NTNG1: variants seen among roughly 807,000 people sequenced by gnomAD.
The protein encoded by NTNG1 is netrin-G1.
In NTNG1, 16 loss-of-function variants were observed where a neutral mutation model predicts 54.0. The ratio of observed to expected loss-of-function variants is 0.30; its 90% CI spans 0.20 to 0.45. NTNG1 has a LOEUF of 0.45. NTNG1 is among the 20% of genes least tolerant of loss of function. The probability of loss-of-function intolerance (pLI) is 1.00; values close to 1 mark genes in which losing one functional copy is unlikely to be tolerated. For missense variants in NTNG1, 530 were observed against 678.7 expected (o/e 0.78, Z 2.43); for synonymous variants, 255 against 263.1 (o/e 0.97, Z 0.30).
Position 107,481,853 on chromosome 1 carries a change from C to G in NTNG1, c.*1013C>G, listed in dbSNP as rs1678733688. 6.6e-6 allele frequency: 1 copy of G among 152,508 alleles called. No homozygotes were observed. Among genetic ancestry groups the G allele is most frequent in the African/African-American group, 2.4e-5 (1 of 41,398 alleles). The allele number at this position is 152,508 out of a possible 1,614,324, so 9.4% of individuals were successfully genotyped here. On this transcript the variant is annotated 3_prime_UTR_variant, in exon 8 of 8. Coordinates refer to ENST00000370068, the MANE Select transcript of NTNG1 (RefSeq NM_001113226.3). ...TAAAGAATAAAAACTCCTGCATAAA[C>G]GATTTCAGGAATTTGTATTGCAATT...
intron 2 of NTNG1, among the ~76,000 whole-genome samples, chr1:107,319,916 G>A (rs991356018): frequency 4.0e-5 from 6 of 151,122 alleles, no homozygotes; most frequent in African/African-American, 1.5e-4. Context: ...GATCTTAGGT[G>A]AAAGGATGTT....
At chr1:107,277,370 A>G (rs899823413) in intron 2 of NTNG1, among the ~76,000 whole-genome samples, 2 of 152,188 alleles carry the variant, frequency 1.3e-5, no homozygotes, top group Admixed American at 6.5e-5. Flanking sequence ...CCCTTGAGGC[A>G]GTAGGGAATG....
At chr1:107,324,217 G>A (rs1432989674) in intron 2 of NTNG1, 65 bp from the exon 3 acceptor site, 3 of 1,474,476 alleles carry the variant, frequency 2.0e-6, no homozygotes, top group Non-Finnish European at 2.8e-6. Context: ...CTGAGCAACA[G>A]CAATATGGCA....
intron 2 of NTNG1, among the ~76,000 whole-genome samples, chr1:107,307,357 G>A (rs1666753502): frequency 6.6e-6 from 1 of 152,152 alleles, no homozygotes; most frequent in African/African-American, 2.4e-5. Flanking sequence ...AAGCTGGGAA[G>A]ATCATACATA....
At chr1:107,288,020 C>A (rs1325831335) in intron 2 of NTNG1, among the ~76,000 whole-genome samples, 1 of 152,006 alleles carries the variant, frequency 6.6e-6, no homozygotes, top group Non-Finnish European at 1.5e-5. Context: ...TTACTCTGAC[C>A]ACAGCATGAA....
chr1:107,179,663 G>T (rs1159121795), intron 2 of NTNG1, among the ~76,000 whole-genome samples: 1 of 152,016 alleles, frequency 6.6e-6, no homozygotes, highest in African/African-American at 2.4e-5. Context: ...TGTCATAGGG[G>T]TTTGTTGTCT....
At chr1:107,382,077 G>A (rs1460790688) in intron 3 of NTNG1, among the ~76,000 whole-genome samples, 1 of 127,446 alleles carries the variant, frequency 7.8e-6, no homozygotes, top group African/African-American at 2.8e-5. Context: ...TGGATTGATG[G>A]GCTGAACCTG....
At chr1:107,355,529 A>T (rs1033400977) in intron 3 of NTNG1, among the ~76,000 whole-genome samples, 1 of 152,158 alleles carries the variant, frequency 6.6e-6, no homozygotes, top group Non-Finnish European at 1.5e-5. Context: ...AATAGAGTAT[A>T]TTCAAACTTC....
chr1:107,376,277 G>A (rs542148930), intron 3 of NTNG1, among the ~76,000 whole-genome samples: 6 of 152,088 alleles, frequency 3.9e-5, no homozygotes, highest in South Asian at 2.1e-4. Context: ...GCGCGGTGGC[G>A]GGCGCCTGTA....
chr1:107,462,154 T>C (rs1356691287), intron 7 of NTNG1, among the ~76,000 whole-genome samples: 1 of 152,218 alleles, frequency 6.6e-6, no homozygotes, highest in Non-Finnish European at 1.5e-5. Context: ...TTTTCTGTTT[T>C]CTATTGCCCT....
intron 7 of NTNG1, among the ~76,000 whole-genome samples, chr1:107,479,839 A>C (rs1220675836): frequency 6.6e-6 from 1 of 152,230 alleles, no homozygotes; most frequent in Non-Finnish European, 1.5e-5. Flanking sequence ...TGATTCCATT[A>C]ATTGATGGAC....
intron 2 of NTNG1, among the ~76,000 whole-genome samples, chr1:107,247,251 A>G (rs1342903375): frequency 6.6e-6 from 1 of 152,208 alleles, no homozygotes; most frequent in Non-Finnish European, 1.5e-5. Flanking sequence ...AGAAATAATC[A>G]TTACTTAATT....
intron 2 of NTNG1, among the ~76,000 whole-genome samples, chr1:107,165,169 A>G (rs1163260146): frequency 6.6e-6 from 1 of 152,134 alleles, no homozygotes; most frequent in African/African-American, 2.4e-5. Flanking sequence ...GATGTGAACT[A>G]CTGATTAGAA....
intron 2 of NTNG1, among the ~76,000 whole-genome samples, chr1:107,192,508 C>T (rs1658036554): frequency 6.6e-6 from 1 of 152,002 alleles, no homozygotes; most frequent in African/African-American, 2.4e-5. Context: ...GCCCCAAATG[C>T]CAGTATCTGG....
chr1:107,181,368 T>C (rs1017459083), intron 2 of NTNG1, among the ~76,000 whole-genome samples: 6 of 152,104 alleles, frequency 3.9e-5, no homozygotes, highest in African/African-American at 1.4e-4. Context: ...TAAAAGAGGG[T>C]TTGTTTTCAA....
intron 2 of NTNG1, among the ~76,000 whole-genome samples, chr1:107,263,077 C>A (rs1177768666): frequency 6.6e-6 from 1 of 152,130 alleles, no homozygotes; most frequent in Non-Finnish European, 1.5e-5. Context: ...GGGGGGAATG[C>A]TATGGAATCA....
At chr1:107,238,310 T>C (rs1557834693) in intron 2 of NTNG1, among the ~76,000 whole-genome samples, 2 of 152,228 alleles carry the variant, frequency 1.3e-5, no homozygotes, top group South Asian at 4.1e-4. Context: ...CCAATGCTTA[T>C]TACCCCCATT....
intron 2 of NTNG1, among the ~76,000 whole-genome samples, chr1:107,185,923 A>C (rs947760504): frequency 6.6e-6 from 1 of 152,076 alleles, no homozygotes; most frequent in African/African-American, 2.4e-5. Context: ...TTTGTTACAT[A>C]ATTATATTCC....
intron 2 of NTNG1, among the ~76,000 whole-genome samples, chr1:107,248,182 G>T (rs528573967): frequency 1.0e-3 from 154 of 152,260 alleles, no homozygotes; most frequent in African/African-American, 3.5e-3. Flanking sequence ...AGAAATGAAA[G>T]TTTTCAGGCC....
Sources: allele counts gnomAD v4.1 joint callset (sites outside exome capture counted in the v4.1 genomes callset), GRCh38; gene constraint gnomAD v4.1.1; transcripts MANE v1.5; gene names NCBI Gene and HGNC (gene_info 2026-07-23, HGNC 2026-07-21).